Variants in CLEC16A observed in about 807,000 individuals in gnomAD.
CLEC16A encodes the protein C-type lectin domain containing 16A.
Under a neutral mutation model 109.5 loss-of-function variants are expected in CLEC16A, and 51 were observed. The observed-to-expected ratio is 0.47, with a 90% CI of 0.37 to 0.59. The LOEUF (loss-of-function observed/expected upper bound fraction) is 0.59, where lower values mean the gene tolerates loss of function less well. Among genes scored for constraint, CLEC16A ranks in the 20% least tolerant of loss-of-function variants. The probability of loss-of-function intolerance (pLI) is 0.00; values close to 1 mark genes in which losing one functional copy is unlikely to be tolerated. For missense variants in CLEC16A, 1,339 were observed against 1,394.0 expected (o/e 0.96, Z 0.63); for synonymous variants, 673 against 564.2 (o/e 1.19, Z -2.73).
chr16:10,973,148 A>G, intron 7 of CLEC16A, 87 bp downstream of exon 7: 3 of 1,443,234 alleles, frequency 2.1e-6, no homozygotes, highest in Non-Finnish European at 2.8e-6. Context: ...TAAACACAAG[A>G]ACCGCACTTC....
intron 12 of CLEC16A, among the ~76,000 whole-genome samples, chr16:11,023,726 G>C (rs1041882859): frequency 1.3e-5 from 2 of 152,010 alleles, no homozygotes; most frequent in African/African-American, 2.4e-5. Context: ...TTTCTCCCCA[G>C]TCCCCTTTCA....
Position 10,944,574 on chromosome 16 carries a change from T to C in CLEC16A, c.-144T>C. On this transcript the variant is annotated 5_prime_UTR_variant, in exon 1 of 24. Coordinates refer to ENST00000409790, the MANE Select transcript of CLEC16A (RefSeq NM_015226.3). Reference sequence around the variant, plus strand: ...TTCCGGCTGAATGTCAGTGCTGGGCTGTGGGCCGGGGAGGAAGGCGGCTCG... The same window carrying C: ...TTCCGGCTGAATGTCAGTGCTGGGCCGTGGGCCGGGGAGGAAGGCGGCTCG... The C allele has an allele frequency of 1.3e-6, 1 of 776,208 alleles. No individual in the cohort carries two copies. The highest frequency in any genetic ancestry group is 1.7e-5 in the South Asian group (1 of 58,408). The allele number at this position is 776,208 out of a possible 1,614,324, so 48.1% of individuals were successfully genotyped here. A position where few individuals can be genotyped will look rare whatever the true frequency, so the allele number is the denominator to read the frequency against.
chr16:11,083,239 T>C (rs2049831897), intron 19 of CLEC16A, among the ~76,000 whole-genome samples: 1 of 152,208 alleles, frequency 6.6e-6, no homozygotes, highest in Admixed American at 6.5e-5. Flanking sequence ...CGTGGCTCAC[T>C]ACAGCATCAA....
chr16:11,008,245 G>T (rs1393853534), intron 11 of CLEC16A, among the ~76,000 whole-genome samples: 1 of 152,078 alleles, frequency 6.6e-6, no homozygotes, highest in African/African-American at 2.4e-5. Flanking sequence ...GTCTGTCCTT[G>T]CTGTGATCGC....
intron 22 of CLEC16A, among the ~76,000 whole-genome samples, chr16:11,135,624 G>T (rs1284602820): frequency 6.6e-6 from 1 of 152,256 alleles, no homozygotes; most frequent in African/African-American, 2.4e-5. Flanking sequence ...GGTCATAAGA[G>T]TGTGTCAGAT....
chr16:11,042,371 C>A lies in CLEC16A; in HGVS notation c.1770+8C>A. ...CACCTGGCCTGCCTGGAGGTAACGC[C>A]CTCTCCGCTCCTCCTTCCTGTGGGC... is the stretch of plus-strand genomic sequence containing the variant. On this transcript the variant is annotated splice_region_variant and intron_variant, in intron 15 of 23. Coordinates refer to ENST00000409790, the MANE Select transcript of CLEC16A (RefSeq NM_015226.3). The A allele has an allele frequency of 1.9e-6, 3 of 1,552,648 alleles. No homozygotes were observed. In the African/African-American group the frequency reaches 4.1e-5, roughly 21 times the overall value.
chr16:11,131,935 C>G (rs538924085), intron 22 of CLEC16A, among the ~76,000 whole-genome samples: 139 of 152,336 alleles, frequency 9.1e-4, no homozygotes, highest in African/African-American at 3.1e-3. Context: ...TGTTTTCGTG[C>G]TTCCCTCCGC....
At chr16:11,030,781 A>G (rs1223246699) in intron 13 of CLEC16A, among the ~76,000 whole-genome samples, 1 of 152,166 alleles carries the variant, frequency 6.6e-6, no homozygotes, top group Non-Finnish European at 1.5e-5. Flanking sequence ...AGTAGCTGGG[A>G]CTACAGGTGT....
At chr16:11,119,896 C>G (rs936005676) in intron 19 of CLEC16A, among the ~76,000 whole-genome samples, 1 of 152,092 alleles carries the variant, frequency 6.6e-6, no homozygotes, top group African/African-American at 2.4e-5. Flanking sequence ...GGATGTTTCT[C>G]CATTTGTTTG....
intron 10 of CLEC16A, among the ~76,000 whole-genome samples, chr16:10,989,455 G>A (rs773678523): frequency 5.3e-5 from 8 of 151,940 alleles, no homozygotes; most frequent in Non-Finnish European, 1.0e-4. Context: ...AGCTGGTCTC[G>A]AACTCCTGGG....
chr16:10,975,265 G>C (rs2042979535), intron 7 of CLEC16A, among the ~76,000 whole-genome samples: 1 of 152,140 alleles, frequency 6.6e-6, no homozygotes. Flanking sequence ...GGAGGTGGAG[G>C]TTGCAGTGAG....
Position 11,039,868 on chromosome 16 carries a change from C to G in CLEC16A, c.1652C>G (p.Ala551Gly). The G allele has an allele frequency of 1.9e-6, 3 of 1,612,502 alleles. No individual in the cohort carries two copies. Among genetic ancestry groups the G allele is most frequent in the South Asian group, 2.2e-5 (2 of 90,592 alleles). The change falls in exon 14 of 24, where the codon GCC becomes GGC. Residue 551 changes from alanine (A) to glycine (G), a missense_variant. Ala to Gly is a moderately conservative substitution (Grantham distance 60). Coordinates refer to ENST00000409790, the MANE Select transcript of CLEC16A (RefSeq NM_015226.3). ...CTCATCAGGATCATGAACAACGCTG[C>G]CCAGCCAGGTGCCCACTTGGGGTGT... ...ERLIRIMNNA[A>G]QPDGKIRLAT...
chr16:11,120,273 G>A (rs2052310005), intron 19 of CLEC16A, among the ~76,000 whole-genome samples: 1 of 152,248 alleles, frequency 6.6e-6, no homozygotes, highest in South Asian at 2.1e-4. Context: ...ACCCAGCCAT[G>A]CTGGTTGTTT....
In CLEC16A at chr16:11,166,416, G is replaced by A. The variant is rs72650686; in HGVS notation, c.2670G>A (p.Gln890=). ...TCGCCGTGGCCCAGTGCATAAACCA[G>A]CACAGCTCCCCGTCCCTGTCCTCAC... The part of the protein sequence containing the change: ...PGFAVAQCIN[Q]HSSPSLSSQS... The change falls in exon 23 of 24, where the codon CAG becomes CAA. Residue 890 remains glutamine, a synonymous_variant. Coordinates refer to ENST00000409790, the MANE Select transcript of CLEC16A (RefSeq NM_015226.3). 1.3e-3 allele frequency: 2,147 copies of A among 1,605,328 alleles called. 2 individuals carry two copies. The highest frequency in any genetic ancestry group is 1.6e-3 in the Non-Finnish European group (1,929 of 1,179,610).
intron 14 of CLEC16A, 27 bp downstream of exon 14, chr16:11,039,903 ACAGGGCCACG>A (rs1259699928): frequency 6.2e-7 from 1 of 1,608,338 alleles, no homozygotes; most frequent in African/African-American, 1.3e-5. Context: ...TTGTCTGTCC[ACAGGGCCACG>A]CAGTTGTAGG....
intron 2 of CLEC16A, among the ~76,000 whole-genome samples, 152 bp from the exon 3 acceptor site, chr16:10,962,303 G>A (rs902510369): frequency 2.0e-5 from 3 of 152,136 alleles, no homozygotes; most frequent in Non-Finnish European, 4.4e-5. Context: ...GGGAATTCCA[G>A]TTGTGGCGGG....
At chr16:10,972,867 G>GTTT in intron 6 of CLEC16A, 71 bp from the exon 7 acceptor site, 1 of 1,280,768 alleles carries the variant, frequency 7.8e-7, no homozygotes, top group Non-Finnish European at 1.0e-6. Flanking sequence ...CTTTGTTTTT[G>GTTT]TTTTTTTTTT....
chr16:11,087,504 T>A (rs973328283), intron 19 of CLEC16A, among the ~76,000 whole-genome samples: 1 of 152,254 alleles, frequency 6.6e-6, no homozygotes, highest in Non-Finnish European at 1.5e-5. Flanking sequence ...CCTATAGATA[T>A]TAAATGTGGA....
intron 7 of CLEC16A, among the ~76,000 whole-genome samples, chr16:10,975,269 C>T (rs1373363843): frequency 6.6e-6 from 1 of 152,098 alleles, no homozygotes; most frequent in Non-Finnish European, 1.5e-5. Context: ...GTGGAGGTTG[C>T]AGTGAGCTGA....
Sources: gnomAD v4.1 joint callset for allele counts (sites outside exome capture counted in the v4.1 genomes callset) on GRCh38, gnomAD v4.1.1 for gene constraint, MANE v1.5 for transcripts, NCBI Gene and HGNC (gene_info 2026-07-23, HGNC 2026-07-21) for gene names.